The following TTYH1 variants were observed in gnomAD, a reference collection of about 807,000 sequenced individuals.
The protein encoded by TTYH1 is tweety family member 1.
A neutral mutation model predicts 61.2 loss-of-function variants in TTYH1; 33 were observed. The observed-to-expected ratio is 0.54, with a 90% CI of 0.41 to 0.72. The LOEUF is 0.72. Among genes scored for constraint, TTYH1 ranks in the 30% least tolerant of loss-of-function variants. The probability of loss-of-function intolerance (pLI) is 0.00; values close to 1 mark genes in which losing one functional copy is unlikely to be tolerated. For missense variants in TTYH1, 538 were observed against 575.8 expected (o/e 0.93, Z 0.67); for synonymous variants, 308 against 266.4 (o/e 1.16, Z -1.52).
rs534726877 is a variant in TTYH1 at position 54,434,085 on chromosome 19, C to T, written c.1126-1457C>T. On this transcript the variant is annotated intron_variant, in intron 10 of 13. Transcript: ENST00000376530. The surrounding 1 kb of genome is among the most constrained non-coding windows in gnomAD (Gnocchi z 4.3). ...CAGGCTCTTAGCTCCCACAACCATTCTCAGAACAAGTTCTGTTGGCCCTTC... is the reference window on the plus strand; with the variant it reads ...CAGGCTCTTAGCTCCCACAACCATTTTCAGAACAAGTTCTGTTGGCCCTTC... 2.6e-5 allele frequency: 4 copies of T among 152,440 alleles called. No homozygotes were observed. The East Asian group carries it at 7.7e-4, about 29-fold the overall frequency. The allele number at this position is 152,440 out of a possible 1,614,324, so 9.4% of individuals were successfully genotyped here. A position where few individuals can be genotyped will look rare whatever the true frequency, so the allele number is the denominator to read the frequency against.
chr19:54,420,842 G>A lies in TTYH1; in HGVS notation c.306-435G>A. 4.6e-6 allele frequency: 1 copy of A among 217,224 alleles called. No individual in the cohort carries two copies. Among genetic ancestry groups the A allele is most frequent in the South Asian group, 9.2e-5 (1 of 10,846 alleles). The allele number at this position is 217,224 out of a possible 1,614,324, so 13.5% of individuals were successfully genotyped here. ...GTCTCAGCACTGAAGGGTTGGCACT[G>A]CAGGCCCCAAGGACCCTAGGGCACC... On this transcript the variant is annotated intron_variant, in intron 2 of 13. Coordinates refer to ENST00000376530, the MANE Select transcript of TTYH1 (RefSeq NM_020659.4). The surrounding 1 kb of genome is among the most constrained non-coding windows in gnomAD (Gnocchi z 4.8).
At chr19:54,433,645 A>ATC (rs2083482884) in intron 10 of TTYH1, 1 of 150,604 alleles carries the variant, frequency 6.6e-6, no homozygotes, top group South Asian at 2.1e-4. Context: ...AGTGGGGCAG[A>ATC]TCAGAACTCC....
At chr19:54,428,637 C>A (rs753028749) in intron 5 of TTYH1, among the ~76,000 whole-genome samples, 9 of 152,186 alleles carry the variant, frequency 5.9e-5, no homozygotes, top group South Asian at 2.1e-4. Flanking sequence ...ACAGGCCATT[C>A]TCATTGGAGG....
chr19:54,430,249 G>A (rs939410521), intron 7 of TTYH1, among the ~76,000 whole-genome samples: 1 of 152,232 alleles, frequency 6.6e-6, no homozygotes, highest in African/African-American at 2.4e-5. Context: ...AGAGAGAGGA[G>A]GGTCAGGAGA....
rs1319748580 is a variant in TTYH1 at position 54,420,033 on chromosome 19, C to G, written c.305+727C>G. ...AGGCTCAGGGACAGAGGGGAGGTCA[C>G]CTTTCAAGGCCACGTGGCTTAAGAG... On this transcript the variant is annotated intron_variant, in intron 2 of 13. Coordinates refer to ENST00000376530, the MANE Select transcript of TTYH1 (RefSeq NM_020659.4). This position sits in a 1 kb window ranked among gnomAD's most constrained non-coding sequence, Gnocchi z 4.8. Among the ~76,000 whole-genome samples the G allele has an allele frequency of 6.6e-6, 1 of 152,148 alleles. No individual in the cohort carries two copies. Among genetic ancestry groups the G allele is most frequent in the African/African-American group, 2.4e-5 (1 of 41,434 alleles).
rs1177882889 is a variant in TTYH1 at position 54,436,326 on chromosome 19, T to C, written c.*43-7T>C. On this transcript the variant is annotated splice_region_variant and splice_polypyrimidine_tract_variant and intron_variant, in intron 13 of 13. Transcript: ENST00000376530. The surrounding 1 kb of genome is among the most constrained non-coding windows in gnomAD (Gnocchi z 4.3). ...CATCACTGCCCTGTCTCTCCCTCTC[T>C]CCGCAGTTCCTTCCCTGGCTGCCGG... 2 of 1,610,152 alleles carry C rather than the reference T, an allele frequency of 1.2e-6. No homozygotes were observed. Among genetic ancestry groups the C allele is most frequent in the African/African-American group, 1.4e-5 (1 of 72,906 alleles).
At position 54,420,925 on chromosome 19, in the gene TTYH1, G is replaced by C. The variant is rs149386713; in HGVS notation, c.306-352G>C. On this transcript the variant is annotated intron_variant, in intron 2 of 13. Coordinates refer to ENST00000376530, the MANE Select transcript of TTYH1 (RefSeq NM_020659.4). The surrounding 1 kb of genome is among the most constrained non-coding windows in gnomAD (Gnocchi z 4.8). ...GCAAAGGATGCGGGGGAAGGGTGTG[G>C]GGCAGGCAGTCCTAGGGAGGGGAAG... 2.7e-6 allele frequency: 1 copy of C among 364,456 alleles called. No homozygotes were observed. The highest frequency in any genetic ancestry group is 5.8e-5 in the East Asian group (1 of 17,318). The allele number at this position is 364,456 out of a possible 1,614,324, so 22.6% of individuals were successfully genotyped here.
intron 1 of TTYH1, among the ~76,000 whole-genome samples, chr19:54,417,250 A>G (rs1337546655): frequency 2.0e-5 from 3 of 146,618 alleles, no homozygotes; most frequent in African/African-American, 8.1e-5. Context: ...ATGCACACAC[A>G]TATGCACAGG....
rs1054519555 is a variant in TTYH1 at position 54,416,930 on chromosome 19, G to T, written c.126+1252G>T. On this transcript the variant is annotated intron_variant, in intron 1 of 13. Transcript: ENST00000376530. The surrounding 1 kb of genome is among the most constrained non-coding windows in gnomAD (Gnocchi z 7.0). Reference sequence around the variant, plus strand: ...GGCCCCAGTCACCGCCAGAGGCACGGGTTTGGGGGAGCCTCACTCCGCCCC... The same window carrying T: ...GGCCCCAGTCACCGCCAGAGGCACGTGTTTGGGGGAGCCTCACTCCGCCCC... 7.9e-7 allele frequency: 1 copy of T among 1,273,128 alleles called. No homozygotes were observed. The highest frequency in any genetic ancestry group is 1.0e-6 in the Non-Finnish European group (1 of 979,950). 78.9% of individuals were successfully genotyped at this position (1,273,128 alleles called of 1,614,324 possible). A position where few individuals can be genotyped will look rare whatever the true frequency, so the allele number is the denominator to read the frequency against.
intron 5 of TTYH1, 80 bp downstream of exon 5, chr19:54,426,848 A>G: frequency 7.8e-7 from 1 of 1,278,014 alleles, no homozygotes; most frequent in African/African-American, 1.5e-5. Context: ...CAACTCTCCT[A>G]CACGGAGGAC....
Position 54,416,712 on chromosome 19 carries a change from C to A in TTYH1, c.126+1034C>A, listed in dbSNP as rs142515856. The stretch of plus-strand genomic sequence containing the variant: ...CTATTTGGGTCACGGCTGGCACAGC[C>A]CTGAGCAGCTCTTCCCCGCCTGCTC... On this transcript the variant is annotated intron_variant, in intron 1 of 13. Coordinates refer to ENST00000376530, the MANE Select transcript of TTYH1 (RefSeq NM_020659.4). The surrounding 1 kb of genome is among the most constrained non-coding windows in gnomAD (Gnocchi z 7.0). 3.6e-5 allele frequency: 46 copies of A among 1,277,312 alleles called. No homozygotes were observed. The African/African-American group carries it at 5.8e-4, about 16-fold the overall frequency. 79.1% of individuals were successfully genotyped at this position (1,277,312 alleles called of 1,614,324 possible). A position where few individuals can be genotyped will look rare whatever the true frequency, so the allele number is the denominator to read the frequency against.
At chr19:54,426,792 C>T (rs754964792) in intron 5 of TTYH1, 24 bp downstream of exon 5, 38 of 1,601,124 alleles carry the variant, frequency 2.4e-5, no homozygotes, top group Non-Finnish European at 3.1e-5. Context: ...GTAGGGGGAC[C>T]CAGTGCTTGC....
chr19:54,431,108 C>T lies in TTYH1; in HGVS notation c.1042C>T (p.Leu348=), dbSNP rs902311790. The T allele has an allele frequency of 3.7e-6, 6 of 1,613,192 alleles. No homozygotes were observed. The highest frequency in any genetic ancestry group is 5.1e-6 in the Non-Finnish European group (6 of 1,179,252). Residue 348 remains leucine (L), a synonymous_variant, in exon 10 of 14, where the codon CTG becomes TTG. Coordinates refer to ENST00000376530, the MANE Select transcript of TTYH1 (RefSeq NM_020659.4). ...PQFPSAQKPL[L]SLEETLNVTE... Reference sequence around the variant, plus strand: ...CCTCCTCGCCCCGCAGAAGCCTCTGCTGTCCTTGGAGGAGACTCTGAATGT... The same window carrying T: ...CCTCCTCGCCCCGCAGAAGCCTCTGTTGTCCTTGGAGGAGACTCTGAATGT...
Position 54,422,249 on chromosome 19 carries a change from G to T in TTYH1, c.477G>T (p.Glu159Asp), listed in dbSNP as rs866741352. 1 of 1,566,654 alleles carries T rather than the reference G, an allele frequency of 6.4e-7. No homozygotes were observed. Among genetic ancestry groups the T allele is most frequent in the African/African-American group, 1.3e-5 (1 of 74,520 alleles). Reference sequence around the variant, plus strand: ...TGAGGACAGAGCTGACCACCCTGGAGGAGGTGCTCGAGCCGCGCACGGAGC... The same window carrying T: ...TGAGGACAGAGCTGACCACCCTGGATGAGGTGCTCGAGCCGCGCACGGAGC... Reference protein sequence around the residue: ...EAVRTELTTLEEVLEPRTELV... With the variant: ...EAVRTELTTLDEVLEPRTELV... Residue 159 changes from glutamate to aspartate, a missense_variant, in exon 4 of 14, where the codon GAG becomes GAT. Coordinates refer to ENST00000376530, the MANE Select transcript of TTYH1 (RefSeq NM_020659.4).
At chr19:54,435,979 G>C (rs946424523) in intron 12 of TTYH1, 106 bp downstream of exon 12, 40 of 1,580,970 alleles carry the variant, frequency 2.5e-5, no homozygotes, top group Non-Finnish European at 2.3e-5. Context: ...AGGGAGGAGG[G>C]GCTGGGGCCC....
At chr19:54,431,296 A>G (rs763406682) in intron 10 of TTYH1, 105 bp downstream of exon 10, 5 of 738,530 alleles carry the variant, frequency 6.8e-6, no homozygotes, top group Non-Finnish European at 1.2e-5. Context: ...GCGCCTGAGG[A>G]TATCTCTGTA....
rs779322857 is a variant in TTYH1 at position 54,419,313 on chromosome 19, G to A, written c.305+7G>A. 1.9e-6 allele frequency: 3 copies of A among 1,594,176 alleles called. No individual in the cohort carries two copies. In the Admixed American group the frequency reaches 5.1e-5, roughly 27 times the overall value. ...TCGCCCTTCTCGCCGGCTGGTAATG[G>A]GGCCCCAGGGTGGGTGGGCGGTGGG... On this transcript the variant is annotated splice_region_variant and intron_variant, in intron 2 of 13. Transcript: ENST00000376530. The surrounding 1 kb of genome is among the most constrained non-coding windows in gnomAD (Gnocchi z 6.1).
At chr19:54,417,788 CCA>C (rs1255029983) in intron 1 of TTYH1, among the ~76,000 whole-genome samples, 14 of 151,774 alleles carry the variant, frequency 9.2e-5, no homozygotes, top group Non-Finnish European at 1.5e-4. Context: ...AGTCACGCAT[CCA>C]CACACACACT....
At chr19:54,433,199 C>A (rs901668081) in intron 10 of TTYH1, 4 of 152,220 alleles carry the variant, frequency 2.6e-5, no homozygotes, top group African/African-American at 9.7e-5. Context: ...TACCACTGCA[C>A]CATGAGACCC....
Sources: gnomAD v4.1 joint callset for allele counts (sites outside exome capture counted in the v4.1 genomes callset) on GRCh38, gnomAD v4.1.1 for gene constraint, Gnocchi (gnomAD v3.1) non-coding constraint, MANE v1.5 for transcripts, NCBI Gene and HGNC (gene_info 2026-07-23, HGNC 2026-07-21) for gene names.